Variants in ST3GAL4 observed in about 807,000 individuals in gnomAD.
The protein encoded by ST3GAL4 is CMP-N-acetylneuraminate-beta-galactosamide-alpha-2,3-sialyltransferase 4.
Under a neutral mutation model 42.6 loss-of-function variants are expected in ST3GAL4, and 24 were observed. That is an observed-to-expected ratio of 0.56 (90% CI 0.41 to 0.79). The LOEUF (loss-of-function observed/expected upper bound fraction) is 0.79. Among genes scored for constraint, ST3GAL4 ranks in the 30% least tolerant of loss-of-function variants. The pLI, the probability that ST3GAL4 is intolerant of heterozygous loss-of-function variation, is 0.00. For synonymous variants in ST3GAL4, 135 were observed against 163.2 expected, an observed-to-expected ratio of 0.83 and a Z score of 1.32; for missense variants, 311 against 430.8, an observed-to-expected ratio of 0.72 and a Z score of 2.46.
rs896659565 is a variant in ST3GAL4, at chr11:126,410,061, C to T, written c.771+650C>T. The stretch of plus-strand genomic sequence containing the variant: ...GTGAGACTACAGGTATGCACCATCA[C>T]GCCTGGCTAATTTTTAAATTTTTTT... On this transcript the variant is annotated intron_variant, in intron 9 of 10. Coordinates refer to ENST00000444328, the MANE Select transcript of ST3GAL4 (RefSeq NM_001254757.2). This position sits in a 1 kb window ranked among gnomAD's most constrained non-coding sequence, Gnocchi z 5.3. 3.9e-5 allele frequency among the ~76,000 whole-genome samples: 6 copies of T among 152,148 alleles called. No individual in the cohort carries two copies. Among genetic ancestry groups the T allele is most frequent in the African/African-American group, 7.2e-5 (3 of 41,430 alleles).
chr11:126,392,350 A>G lies in ST3GAL4; in HGVS notation c.-60-13746A>G, dbSNP rs1424298677. On this transcript the variant is annotated intron_variant, in intron 1 of 10. Transcript: ENST00000444328. This position sits in a 1 kb window ranked among gnomAD's most constrained non-coding sequence, Gnocchi z 5.8. Reference sequence around the variant, plus strand: ...TTCTGATATGGTGCAGCAGACATGGAGCTGGTAAGTGGTTAAGATCAGTCG... The same window carrying G: ...TTCTGATATGGTGCAGCAGACATGGGGCTGGTAAGTGGTTAAGATCAGTCG... The G allele has an allele frequency of 1.0e-6, 1 of 985,772 alleles. No homozygotes were observed. The highest frequency in any genetic ancestry group is 1.2e-6 in the Non-Finnish European group (1 of 829,944). The allele number at this position is 985,772 out of a possible 1,614,324, so 61.1% of individuals were successfully genotyped here. A position where few individuals can be genotyped will look rare whatever the true frequency, so the allele number is the denominator to read the frequency against.
intron 1 of ST3GAL4, among the ~76,000 whole-genome samples, chr11:126,380,320 T>C (rs939110992): frequency 6.6e-6 from 1 of 150,982 alleles, no homozygotes; most frequent in African/African-American, 2.4e-5. Context: ...GGATCATCAA[T>C]AGGCAGGTCA....
intron 1 of ST3GAL4, among the ~76,000 whole-genome samples, chr11:126,377,625 C>T (rs1952870548): frequency 6.6e-6 from 1 of 151,896 alleles, no homozygotes; most frequent in Non-Finnish European, 1.5e-5. Flanking sequence ...GCTGGGAATA[C>T]AGGCGTGTGC....
In ST3GAL4 at chr11:126,393,469, G is replaced by A. The variant is rs1386783639; in HGVS notation, c.-60-12627G>A. On this transcript the variant is annotated intron_variant, in intron 1 of 10. Transcript: ENST00000444328. This position sits in a 1 kb window ranked among gnomAD's most constrained non-coding sequence, Gnocchi z 5.9. The stretch of plus-strand genomic sequence containing the variant: ...CATACCCAGGGCCCAGATGGCTCAG[G>A]AGGAGGGGGATGGGGACGGGGAGAG... 6.6e-6 allele frequency among the ~76,000 whole-genome samples: 1 copy of A among 152,190 alleles called. No individual in the cohort carries two copies. The highest frequency in any genetic ancestry group is 1.5e-5 in the Non-Finnish European group (1 of 68,034).
At chr11:126,387,451 G>T (rs755461347) in intron 1 of ST3GAL4, among the ~76,000 whole-genome samples, 1 of 152,098 alleles carries the variant, frequency 6.6e-6, no homozygotes, top group Admixed American at 6.6e-5. Context: ...GCAGAGGCAG[G>T]CGTGTCAGTT....
In ST3GAL4 at chr11:126,366,522, C is replaced by T. The variant is rs909093010; in HGVS notation, c.-61+10680C>T. 1.3e-5 allele frequency among the ~76,000 whole-genome samples: 2 copies of T among 152,138 alleles called. No homozygotes were observed. The highest frequency in any genetic ancestry group is 2.9e-5 in the Non-Finnish European group (2 of 68,010). ...GGGGTGGGGCTTGCTTTCCTCACCC[C>T]GCTTCCCACGTCTTCATTGAGTCCT... On this transcript the variant is annotated intron_variant, in intron 1 of 10. Transcript: ENST00000444328. The surrounding 1 kb of genome is among the most constrained non-coding windows in gnomAD (Gnocchi z 4.2).
intron 1 of ST3GAL4, among the ~76,000 whole-genome samples, chr11:126,358,096 C>T (rs1952128394): frequency 6.6e-6 from 1 of 152,270 alleles, no homozygotes; most frequent in South Asian, 2.1e-4. Context: ...AGCCCAGCTC[C>T]TGGCCCCTCG....
intron 1 of ST3GAL4, among the ~76,000 whole-genome samples, chr11:126,374,319 G>GTA (rs1952756293): frequency 6.6e-6 from 1 of 151,998 alleles, no homozygotes; most frequent in African/African-American, 2.4e-5. Context: ...GGGTATGGTG[G>GTA]TGCATGCCTG....
intron 1 of ST3GAL4, among the ~76,000 whole-genome samples, chr11:126,360,665 G>A (rs1282264930): frequency 2.6e-5 from 4 of 152,064 alleles, no homozygotes; most frequent in Non-Finnish European, 4.4e-5. Flanking sequence ...CTTGTGATCC[G>A]CCCACCTCAG....
rs1354332258 is a variant in ST3GAL4, at chr11:126,386,284, G to GC, written c.-60-19806dup. 3.3e-5 allele frequency among the ~76,000 whole-genome samples: 5 copies of GC among 152,010 alleles called. No homozygotes were observed. The highest frequency in any genetic ancestry group is 5.9e-5 in the Non-Finnish European group (4 of 68,016). On this transcript the variant is annotated intron_variant, in intron 1 of 10. Transcript: ENST00000444328. This position sits in a 1 kb window ranked among gnomAD's most constrained non-coding sequence, Gnocchi z 4.7. The stretch of plus-strand genomic sequence containing the variant: ...CATTTCCTGTTTGCCGTGTGTCTGT[G>GC]CCCCCCAAGGATGAATGCCATGAGT...
intron 1 of ST3GAL4, 181 bp from the exon 2 acceptor site, chr11:126,405,915 C>T (rs1305462723): frequency 2.3e-5 from 17 of 725,190 alleles, no homozygotes; most frequent in South Asian, 9.3e-5. Context: ...TCCTTAATGC[C>T]GCCCTTGGAG....
rs185229732 is a variant in ST3GAL4 at position 126,359,355 on chromosome 11, A to G, written c.-61+3513A>G. Among the ~76,000 whole-genome samples the G allele has an allele frequency of 6.6e-6, 1 of 152,270 alleles. No homozygotes were observed. The highest frequency in any genetic ancestry group is 1.9e-4 in the East Asian group (1 of 5,186). Reference sequence around the variant, plus strand: ...CGTCCCTTCATGTGAGCTTCACACAACCCTGTAATTAAGCCCATTTATAAA... The same window carrying G: ...CGTCCCTTCATGTGAGCTTCACACAGCCCTGTAATTAAGCCCATTTATAAA... On this transcript the variant is annotated intron_variant, in intron 1 of 10. Transcript: ENST00000444328. The surrounding 1 kb of genome is among the most constrained non-coding windows in gnomAD (Gnocchi z 4.8).
Position 126,378,992 on chromosome 11 carries a change from G to A in ST3GAL4, c.-61+23150G>A, listed in dbSNP as rs901836507. ...TCATGTTTTCTGTGCGTAGAGATAA[G>A]TTACCATTAATGACATCAATCGTAG... On this transcript the variant is annotated intron_variant, in intron 1 of 10. Coordinates refer to ENST00000444328, the MANE Select transcript of ST3GAL4 (RefSeq NM_001254757.2). This position sits in a 1 kb window ranked among gnomAD's most constrained non-coding sequence, Gnocchi z 5.3. Among the ~76,000 whole-genome samples, 1 of 152,194 alleles carries A rather than the reference G, an allele frequency of 6.6e-6. No individual in the cohort carries two copies. Among genetic ancestry groups the A allele is most frequent in the African/African-American group, 2.4e-5 (1 of 41,456 alleles).
chr11:126,406,739 G>A lies in ST3GAL4; in HGVS notation c.101+182G>A, dbSNP rs953996480. 5.3e-6 allele frequency: 5 copies of A among 934,892 alleles called. No homozygotes were observed. Among genetic ancestry groups the A allele is most frequent in the East Asian group, 2.6e-5 (1 of 38,318 alleles). The allele number at this position is 934,892 out of a possible 1,614,324, so 57.9% of individuals were successfully genotyped here. ...GGTGGGTGGGGGTAGGGCCTGGGAT[G>A]TCTCACTGGGCCCTCACCCAGGGAG... On this transcript the variant is annotated intron_variant, in intron 3 of 10. Coordinates refer to ENST00000444328, the MANE Select transcript of ST3GAL4 (RefSeq NM_001254757.2). This position sits in a 1 kb window ranked among gnomAD's most constrained non-coding sequence, Gnocchi z 5.4.
At position 126,411,109 on chromosome 11, in the gene ST3GAL4, T is replaced by C. The variant is rs1954505464; in HGVS notation, c.771+1698T>C. ...AGGACCTGAACCCAGCTCCTGGCAG[T>C]GGGAAGGGAAAAGGAGGAGATGGAC... On this transcript the variant is annotated intron_variant, in intron 9 of 10. Transcript: ENST00000444328. This position sits in a 1 kb window ranked among gnomAD's most constrained non-coding sequence, Gnocchi z 6.3. 1.3e-5 allele frequency among the ~76,000 whole-genome samples: 2 copies of C among 150,298 alleles called. No individual in the cohort carries two copies. Among genetic ancestry groups the C allele is most frequent in the South Asian group, 4.2e-4 (2 of 4,774 alleles).
chr11:126,372,558 A>T (rs1309452714), intron 1 of ST3GAL4, among the ~76,000 whole-genome samples: 1 of 151,514 alleles, frequency 6.6e-6, no homozygotes, highest in Non-Finnish European at 1.5e-5. Flanking sequence ...CTGGGATTAC[A>T]CGCATGCACC....
rs886294557 is a variant in ST3GAL4 at position 126,379,716 on chromosome 11, G to A, written c.-61+23874G>A. ...TGGTCTCAAACTCCTGACCTTAGGC[G>A]ATCCAACCACCTTGGCCTCCTTAAG... On this transcript the variant is annotated intron_variant, in intron 1 of 10. Coordinates refer to ENST00000444328, the MANE Select transcript of ST3GAL4 (RefSeq NM_001254757.2). The surrounding 1 kb of genome is among the most constrained non-coding windows in gnomAD (Gnocchi z 4.2). Among the ~76,000 whole-genome samples, 10 of 152,068 alleles carry A rather than the reference G, an allele frequency of 6.6e-5. No individual in the cohort carries two copies. The highest frequency in any genetic ancestry group is 2.1e-4 in the South Asian group (1 of 4,812).
chr11:126,403,885 G>A (rs1954115130), intron 1 of ST3GAL4, among the ~76,000 whole-genome samples: 1 of 152,114 alleles, frequency 6.6e-6, no homozygotes, highest in Admixed American at 6.6e-5. Flanking sequence ...CGTGCACATC[G>A]AGGTTTGAGA....
In ST3GAL4 at chr11:126,407,560, G is replaced by T; in HGVS notation, c.281-14G>T. The T allele has an allele frequency of 6.2e-7, 1 of 1,614,086 alleles. No homozygotes were observed. Among genetic ancestry groups the T allele is most frequent in the Non-Finnish European group, 8.5e-7 (1 of 1,179,968 alleles). Reference sequence around the variant, plus strand: ...ATCTGTCACATCAGTCCCTCCGCCTGGTACTTTTTGTAGAGGATCTGCTCC... The same window carrying T: ...ATCTGTCACATCAGTCCCTCCGCCTTGTACTTTTTGTAGAGGATCTGCTCC... On this transcript the variant is annotated splice_polypyrimidine_tract_variant and intron_variant, in intron 5 of 10. Coordinates refer to ENST00000444328, the MANE Select transcript of ST3GAL4 (RefSeq NM_001254757.2).
Sources: allele counts gnomAD v4.1 joint callset (sites outside exome capture counted in the v4.1 genomes callset), GRCh38; gene constraint gnomAD v4.1.1; non-coding constraint Gnocchi (gnomAD v3.1); transcripts MANE v1.5; gene names NCBI Gene and HGNC (gene_info 2026-07-23, HGNC 2026-07-21).